Variants in LY86 observed in about 807,000 individuals in gnomAD.
LY86 encodes the protein MD-1, RP105-associated.
In LY86, 20 loss-of-function variants were observed where a neutral mutation model predicts 17.3. That is an observed-to-expected ratio of 1.15 (90% CI 0.81 to 1.68). LY86 has a LOEUF of 1.68. Among genes scored for constraint, LY86 ranks in the 40% most tolerant of loss-of-function variants. The pLI is 0.00. For synonymous variants in LY86, 74 were observed against 70.6 expected, an observed-to-expected ratio of 1.05 and a Z score of -0.24; for missense variants, 200 against 191.9, an observed-to-expected ratio of 1.04 and a Z score of -0.25.
chr6:6,639,918 T>C (rs183323301), intron 3 of LY86, among the ~76,000 whole-genome samples: 116 of 152,282 alleles, frequency 7.6e-4, no homozygotes, highest in African/African-American at 2.7e-3. Context: ...CGGGAAAAAC[T>C]CAAACTCCAT....
At chr6:6,616,475 A>C (rs1761556979) in intron 1 of LY86, among the ~76,000 whole-genome samples, 1 of 152,210 alleles carries the variant, frequency 6.6e-6, no homozygotes, top group African/African-American at 2.4e-5. Flanking sequence ...CTTCCTTAGC[A>C]AACAGGGATG....
At chr6:6,610,575 C>G (rs958226246) in intron 1 of LY86, among the ~76,000 whole-genome samples, 1 of 152,150 alleles carries the variant, frequency 6.6e-6, no homozygotes, top group Non-Finnish European at 1.5e-5. Flanking sequence ...AGCTGATGCC[C>G]TGATTTACTG....
intron 3 of LY86, among the ~76,000 whole-genome samples, chr6:6,640,073 C>A (rs1386302183): frequency 1.3e-5 from 2 of 152,132 alleles, no homozygotes; most frequent in Non-Finnish European, 2.9e-5. Context: ...CCTTATTGGG[C>A]CATTATTGTC....
chr6:6,612,510 A>T (rs565514168), intron 1 of LY86, among the ~76,000 whole-genome samples: 10 of 137,950 alleles, frequency 7.2e-5, no homozygotes, highest in Non-Finnish European at 3.1e-5. Context: ...CACTTACTGC[A>T]AAAAGCAAAA....
chr6:6,628,541 T>C (rs116117218), intron 3 of LY86, among the ~76,000 whole-genome samples: 2,116 of 152,088 alleles, frequency 0.014, 35 homozygotes, highest in African/African-American at 0.048. Context: ...TCTCTCTCTG[T>C]CTCTCTGTCT....
intron 1 of LY86, among the ~76,000 whole-genome samples, chr6:6,609,147 T>G (rs1761270383): frequency 1.3e-5 from 2 of 152,116 alleles, no homozygotes; most frequent in Non-Finnish European, 2.9e-5. Context: ...GGCCCCGGGA[T>G]CCTATTCCCG....
chr6:6,639,279 A>T (rs1045281123), intron 3 of LY86, among the ~76,000 whole-genome samples: 2 of 151,620 alleles, frequency 1.3e-5, no homozygotes, highest in African/African-American at 2.4e-5. Flanking sequence ...CCTAGGTTAC[A>T]TCCGTGTCAT....
At chr6:6,604,580 TAGA>T (rs1232900725) in intron 1 of LY86, among the ~76,000 whole-genome samples, 1 of 152,020 alleles carries the variant, frequency 6.6e-6, no homozygotes, top group East Asian at 1.9e-4. Context: ...GCTACAGCTA[TAGA>T]AGAAAATAGG....
chr6:6,603,778 T>C (rs890115728), intron 1 of LY86, among the ~76,000 whole-genome samples: 2 of 151,990 alleles, frequency 1.3e-5, no homozygotes, highest in Admixed American at 1.3e-4. Flanking sequence ...CCATGTGAGA[T>C]GGAAAGTTGA....
rs75221488 is a variant in LY86 at position 6,599,671 on chromosome 6, C to A, written c.136+10801C>A. Among the ~76,000 whole-genome samples the A allele has an allele frequency of 1.2e-4, 19 of 152,336 alleles. No individual in the cohort carries two copies. In the East Asian group the frequency reaches 3.7e-3, roughly 29 times the overall value. ...AGAGGGGTCAGCATTCTGCCAGTCCCTTCCCACAGGCAGACGGGGTTCCCT... is the reference window on the plus strand; with the variant it reads ...AGAGGGGTCAGCATTCTGCCAGTCCATTCCCACAGGCAGACGGGGTTCCCT... On this transcript the variant is annotated intron_variant, in intron 1 of 4. Transcript: ENST00000230568.
chr6:6,610,024 C>T (rs1172141548), intron 1 of LY86, among the ~76,000 whole-genome samples: 2 of 152,078 alleles, frequency 1.3e-5, no homozygotes, highest in African/African-American at 2.4e-5. Context: ...TGGGCTCCAG[C>T]GATCCTCCTG....
At chr6:6,605,841 T>A (rs1436010823) in intron 1 of LY86, among the ~76,000 whole-genome samples, 1 of 152,108 alleles carries the variant, frequency 6.6e-6, no homozygotes, top group African/African-American at 2.4e-5. Context: ...CCGGTGAATG[T>A]TACAGCTCTT....
At chr6:6,639,916 A>G (rs888416668) in intron 3 of LY86, among the ~76,000 whole-genome samples, 1 of 152,060 alleles carries the variant, frequency 6.6e-6, no homozygotes, top group African/African-American at 2.4e-5. Flanking sequence ...TACGGGAAAA[A>G]CTCAAACTCC....
intron 3 of LY86, among the ~76,000 whole-genome samples, chr6:6,649,253 A>G (rs1486993323): frequency 6.6e-6 from 1 of 152,204 alleles, no homozygotes; most frequent in African/African-American, 2.4e-5. Flanking sequence ...CACCCCCATG[A>G]TTCAGTTACC....
At chr6:6,603,626 A>C (rs1284840437) in intron 1 of LY86, among the ~76,000 whole-genome samples, 1 of 134,834 alleles carries the variant, frequency 7.4e-6, no homozygotes, top group Non-Finnish European at 1.6e-5. Context: ...AAACAAAAAA[A>C]AACAAAACAC....
intron 1 of LY86, among the ~76,000 whole-genome samples, chr6:6,603,369 C>CAAA (rs34476950): frequency 2.0e-5 from 3 of 151,562 alleles, no homozygotes; most frequent in South Asian, 2.1e-4. Flanking sequence ...AGACAGTTCA[C>CAAA]AAAAATTACC....
chr6:6,643,960 A>G (rs116657251), intron 3 of LY86, among the ~76,000 whole-genome samples: 1,720 of 152,390 alleles, frequency 0.011, 12 homozygotes, highest in Non-Finnish European at 0.018. Flanking sequence ...AGGTAAATGA[A>G]TGAATGATTT....
rs561788012 is a variant in LY86, at chr6:6,606,594, C to T, written c.136+17724C>T. On this transcript the variant is annotated intron_variant, in intron 1 of 4. Transcript: ENST00000230568. ...CGGGGGGAGGCTCAGGCATGGCGGG[C>T]TGCAGGTCCCTAGCCCTGCCACGCG... 3.9e-5 allele frequency among the ~76,000 whole-genome samples: 6 copies of T among 152,340 alleles called. No homozygotes were observed. In the South Asian group the frequency reaches 1.2e-3, roughly 32 times the overall value.
chr6:6,588,978 C>G (rs760073952), intron 1 of LY86, 108 bp downstream of exon 1: 29 of 1,369,302 alleles, frequency 2.1e-5, no homozygotes, highest in Non-Finnish European at 2.8e-5. Flanking sequence ...AGGGGACCAG[C>G]AGCTGAACAC....
Sources: gnomAD v4.1 joint callset for allele counts (sites outside exome capture counted in the v4.1 genomes callset) on GRCh38, gnomAD v4.1.1 for gene constraint, MANE v1.5 for transcripts, NCBI Gene and HGNC (gene_info 2026-07-23, HGNC 2026-07-21) for gene names.